The following TUSC3 variants were observed in gnomAD, a reference collection of about 807,000 sequenced individuals.
The protein encoded by TUSC3 is dolichyl-diphosphooligosaccharide--protein glycosyltransferase subunit TUSC3.
In TUSC3, 45 loss-of-function variants were observed where a neutral mutation model predicts 44.8. That is an observed-to-expected ratio of 1.00 (90% CI 0.79 to 1.29). The LOEUF (loss-of-function observed/expected upper bound fraction) is 1.29. TUSC3 is among the 50% of genes most tolerant of loss of function. TUSC3 has a pLI of 0.00. For synonymous variants in TUSC3, 212 were observed against 152.9 expected, an observed-to-expected ratio of 1.39 and a Z score of -2.85; for missense variants, 519 against 437.9, an observed-to-expected ratio of 1.19 and a Z score of -1.65.
intron 6 of TUSC3, among the ~76,000 whole-genome samples, chr8:15,680,438 T>C (rs559290162): frequency 6.6e-6 from 1 of 152,270 alleles, no homozygotes; most frequent in African/African-American, 2.4e-5. Flanking sequence ...CTACTAATTT[T>C]CATAGATTGA....
chr8:15,633,906 C>T (rs945696978), intron 2 of TUSC3, among the ~76,000 whole-genome samples: 2 of 152,264 alleles, frequency 1.3e-5, no homozygotes, highest in Middle Eastern at 3.4e-3. Flanking sequence ...CTTTTACCTA[C>T]TGGATGATTC....
the TUSC3 span, among the ~76,000 whole-genome samples, chr8:15,843,110 T>A: frequency 6.6e-6 from 1 of 152,160 alleles, no homozygotes; most frequent in Non-Finnish European, 1.5e-5. Context: ...ATAACAGAAT[T>A]TACTCTTATG....
chr8:15,715,418 G>T (rs1246002176), intron 6 of TUSC3, among the ~76,000 whole-genome samples: 1 of 152,080 alleles, frequency 6.6e-6, no homozygotes, highest in East Asian at 1.9e-4. Flanking sequence ...CTGTCAACCT[G>T]ATAACTGAGC....
intron 1 of TUSC3, among the ~76,000 whole-genome samples, chr8:15,605,585 T>C (rs1804485900): frequency 6.6e-6 from 1 of 151,872 alleles, no homozygotes; most frequent in Non-Finnish European, 1.5e-5. Context: ...CATTCTAAGA[T>C]GGACTGCATT....
chr8:15,449,395 G>A (rs773956339), intron 1 of TUSC3, among the ~76,000 whole-genome samples: 33 of 152,122 alleles, frequency 2.2e-4, no homozygotes, highest in African/African-American at 6.3e-4. Flanking sequence ...CAGAGGACAC[G>A]GAAATGTTAA....
At chr8:15,464,465 G>C (rs111424627) in intron 1 of TUSC3, among the ~76,000 whole-genome samples, 4 of 152,282 alleles carry the variant, frequency 2.6e-5, no homozygotes, top group African/African-American at 9.6e-5. Context: ...ATAGGAAACA[G>C]TGCAGAGAAA....
At chr8:15,755,937 A>G (rs1239096544) in intron 9 of TUSC3, among the ~76,000 whole-genome samples, 1 of 152,090 alleles carries the variant, frequency 6.6e-6, no homozygotes, top group Non-Finnish European at 1.5e-5. Context: ...CTGTGCTCAC[A>G]AAAGTTTCCT....
At chr8:15,738,801 G>A (rs975538712) in intron 7 of TUSC3, among the ~76,000 whole-genome samples, 3 of 138,372 alleles carry the variant, frequency 2.2e-5, no homozygotes, top group African/African-American at 7.9e-5. Flanking sequence ...TTGGTATGGT[G>A]ACAAAATTAC....
chr8:15,848,347 G>T, the TUSC3 span, among the ~76,000 whole-genome samples: 1 of 152,194 alleles, frequency 6.6e-6, no homozygotes, highest in East Asian at 1.9e-4. Flanking sequence ...TGTGATAACA[G>T]AGGAGCTGGT....
At chr8:15,745,068 C>A (rs1160307410) in intron 8 of TUSC3, among the ~76,000 whole-genome samples, 8 of 152,058 alleles carry the variant, frequency 5.3e-5, no homozygotes, top group Non-Finnish European at 1.2e-4. Flanking sequence ...TGTGTTAATT[C>A]ACTTAGGATA....
intron 1 of TUSC3, among the ~76,000 whole-genome samples, chr8:15,481,233 G>C (rs1022015447): frequency 1.5e-5 from 2 of 132,058 alleles, no homozygotes; most frequent in East Asian, 4.7e-4. Context: ...AGCAGCAAGA[G>C]TGAAACTCCA....
At chr8:15,479,742 T>C (rs1487512720) in intron 1 of TUSC3, among the ~76,000 whole-genome samples, 1 of 152,206 alleles carries the variant, frequency 6.6e-6, no homozygotes, top group African/African-American at 2.4e-5. Flanking sequence ...TTCTTTTTGC[T>C]TAGGATCATC....
At chr8:15,828,862 G>T in the TUSC3 span, among the ~76,000 whole-genome samples, 2 of 152,048 alleles carry the variant, frequency 1.3e-5, no homozygotes, top group African/African-American at 4.8e-5. Flanking sequence ...TGTGCCATTT[G>T]TTTCGTCACT....
At position 15,672,833 on chromosome 8, in the gene TUSC3, G is replaced by T. The variant is rs11776648; in HGVS notation, c.709-914G>T. ...AACTAGAATATTTAGACTCCCAGTC[G>T]TGCATTGCTCGTTCTTGTCTTTGGT... is the stretch of plus-strand genomic sequence containing the variant. On this transcript the variant is annotated intron_variant, in intron 5 of 10. Coordinates refer to ENST00000503731, the MANE Select transcript of TUSC3 (RefSeq NM_006765.4). Among the ~76,000 whole-genome samples, 111 of 151,882 alleles carry T rather than the reference G, an allele frequency of 7.3e-4. 1 individual carries two copies. The highest frequency in any genetic ancestry group is 2.6e-3 in the African/African-American group (109 of 41,448).
the TUSC3 span, among the ~76,000 whole-genome samples, chr8:15,822,133 C>A: frequency 6.6e-6 from 1 of 151,898 alleles, no homozygotes; most frequent in East Asian, 1.9e-4. Flanking sequence ...TTGGCTTGAG[C>A]AATAGGAAGG....
At chr8:15,616,592 T>A (rs1360972677) in intron 1 of TUSC3, among the ~76,000 whole-genome samples, 2 of 152,208 alleles carry the variant, frequency 1.3e-5, no homozygotes, top group African/African-American at 2.4e-5. Context: ...AAAATTAATC[T>A]GTTTTATTGA....
Position 15,421,471 on chromosome 8 carries a change from C to T in TUSC3, n.91+4166C>T, listed in dbSNP as rs1799736551. The stretch of plus-strand genomic sequence containing the variant: ...AAGTCTTTGTTCAAAAAGGCAACAC[C>T]ATCTTATTAAAGACACTAAACTGCA... On this transcript the variant is annotated intron_variant and non_coding_transcript_variant, in intron 1 of 5. Coordinates refer to the TUSC3 transcript ENST00000503191. 2.0e-5 allele frequency among the ~76,000 whole-genome samples: 3 copies of T among 152,168 alleles called. 1 individual carries two copies. In the South Asian group the frequency reaches 6.2e-4, roughly 31 times the overall value.
chr8:15,624,651 G>T (rs1271407678), intron 2 of TUSC3, among the ~76,000 whole-genome samples: 2 of 151,828 alleles, frequency 1.3e-5, no homozygotes, highest in African/African-American at 4.8e-5. Context: ...CTTTCTAATT[G>T]GATTCTTTAA....
At chr8:15,809,031 C>A in the TUSC3 span, among the ~76,000 whole-genome samples, 1 of 152,102 alleles carries the variant, frequency 6.6e-6, no homozygotes, top group Non-Finnish European at 1.5e-5. Flanking sequence ...ACTCAAGAGA[C>A]AAGGGTTGGT....
Sources: gnomAD v4.1 joint callset for allele counts (sites outside exome capture counted in the v4.1 genomes callset) on GRCh38, gnomAD v4.1.1 for gene constraint, MANE v1.5 for transcripts, NCBI Gene and HGNC (gene_info 2026-07-23, HGNC 2026-07-21) for gene names.